SLCO1B1: variants seen among roughly 807,000 people sequenced by gnomAD.
The protein encoded by SLCO1B1 is OATP-2.
Under a neutral mutation model 70.1 loss-of-function variants are expected in SLCO1B1, and 81 were observed. The ratio of observed to expected loss-of-function variants is 1.16; its 90% CI spans 0.97 to 1.39. SLCO1B1 has a LOEUF of 1.39. Among genes scored for constraint, SLCO1B1 ranks in the 40% most tolerant of loss-of-function variants. SLCO1B1 has a pLI of 0.00. For missense variants in SLCO1B1, 895 were observed against 799.6 expected, an observed-to-expected ratio of 1.12 and a Z score of -1.44; for synonymous variants, 283 against 271.5, an observed-to-expected ratio of 1.04 and a Z score of -0.42.
chr12:21,164,132 T>C (rs1940657418), intron 2 of SLCO1B1, among the ~76,000 whole-genome samples: 2 of 152,162 alleles, frequency 1.3e-5, no homozygotes, highest in Non-Finnish European at 2.9e-5. Flanking sequence ...AATAAATTAA[T>C]ATGGATGAAT....
At position 21,197,395 on chromosome 12, in the gene SLCO1B1, T is replaced by C. The variant is rs4149060; in HGVS notation, c.970+207T>C. Among the ~76,000 whole-genome samples, 8 of 152,262 alleles carry C rather than the reference T, an allele frequency of 5.3e-5. No homozygotes were observed. In the East Asian group the frequency reaches 1.5e-3, roughly 29 times the overall value. On this transcript the variant is annotated intron_variant, in intron 8 of 14. Coordinates refer to ENST00000256958, the MANE Select transcript of SLCO1B1 (RefSeq NM_006446.5). ...AACAAGTGGAAGAGAATTAGGTTTGTACTTTTTAGCAGGGAGAAACCAACA... is the reference window on the plus strand; with the variant it reads ...AACAAGTGGAAGAGAATTAGGTTTGCACTTTTTAGCAGGGAGAAACCAACA...
In SLCO1B1 at chr12:21,239,207, C is replaced by G. The variant is rs2121217567; in HGVS notation, c.*18C>G. ...ATTGTTAAGGGGAGAAAAAAAGCCACTTCTGCTTCTGTGTTTCCAAACAGC... is the reference window on the plus strand; with the variant it reads ...ATTGTTAAGGGGAGAAAAAAAGCCAGTTCTGCTTCTGTGTTTCCAAACAGC... On this transcript the variant is annotated 3_prime_UTR_variant, in exon 15 of 15. Transcript: ENST00000256958. 1 of 1,533,388 alleles carries G rather than the reference C, an allele frequency of 6.5e-7. No homozygotes were observed. The highest frequency in any genetic ancestry group is 2.3e-5 in the East Asian group (1 of 44,392). 95.0% of individuals were successfully genotyped at this position (1,533,388 alleles called of 1,614,324 possible).
chr12:21,135,828 A>G lies in SLCO1B1; in HGVS notation c.-62+4592A>G, dbSNP rs1427382166. ...GTCTTTTAATTGCAGCATTTAGCCC[A>G]TTTACATTTAAAGTTAATATTGTTA... is the stretch of plus-strand genomic sequence containing the variant. On this transcript the variant is annotated intron_variant, in intron 1 of 14. Transcript: ENST00000256958. 3.3e-5 allele frequency among the ~76,000 whole-genome samples: 5 copies of G among 152,260 alleles called. No individual in the cohort carries two copies. The East Asian group carries it at 9.7e-4, about 29-fold the overall frequency.
intron 10 of SLCO1B1, among the ~76,000 whole-genome samples, chr12:21,203,202 G>T (rs1941177626): frequency 6.6e-6 from 1 of 151,860 alleles, no homozygotes; most frequent in Non-Finnish European, 1.5e-5. Context: ...ATGTTGTACT[G>T]AATTTTCTTT....
chr12:21,199,909 C>A (rs932051787), intron 8 of SLCO1B1, among the ~76,000 whole-genome samples: 9 of 152,002 alleles, frequency 5.9e-5, no homozygotes, highest in African/African-American at 2.2e-4. Context: ...TCAAGCAATT[C>A]TCCTGCCTCA....
intron 14 of SLCO1B1, among the ~76,000 whole-genome samples, chr12:21,227,953 A>C (rs1274913193): frequency 1.3e-5 from 2 of 152,096 alleles, no homozygotes. Context: ...TTTTTAATAT[A>C]CTGCAAAGAC....
intron 14 of SLCO1B1, among the ~76,000 whole-genome samples, chr12:21,233,677 T>C (rs1337354217): frequency 6.6e-6 from 1 of 150,552 alleles, no homozygotes; most frequent in Admixed American, 6.6e-5. Flanking sequence ...AAAGGAGGAG[T>C]TGGCAGTGCC....
intron 11 of SLCO1B1, among the ~76,000 whole-genome samples, chr12:21,211,085 T>A (rs1312135954): frequency 6.6e-6 from 1 of 152,210 alleles, no homozygotes. Context: ...TGGCCAGAAC[T>A]TCCAACACTC....
At chr12:21,186,242 G>A (rs990609259) in intron 7 of SLCO1B1, among the ~76,000 whole-genome samples, 1 of 152,056 alleles carries the variant, frequency 6.6e-6, no homozygotes, top group Non-Finnish European at 1.5e-5. Flanking sequence ...ATGTGAAGAT[G>A]TACTATTAAA....
chr12:21,190,470 A>G (rs2169968), intron 7 of SLCO1B1, among the ~76,000 whole-genome samples: 132,051 of 152,062 alleles, frequency 0.87, 58,571 homozygotes, highest in Non-Finnish European at 0.97. Flanking sequence ...CCTCAACTCC[A>G]CTGTTCTCCC....
chr12:21,197,969 G>T (rs938707012), intron 8 of SLCO1B1, among the ~76,000 whole-genome samples: 1 of 152,114 alleles, frequency 6.6e-6, no homozygotes, highest in African/African-American at 2.4e-5. Context: ...AGCAAGATAT[G>T]TGAATCAGTG....
chr12:21,194,494 A>G (rs1941069680), intron 7 of SLCO1B1, among the ~76,000 whole-genome samples: 1 of 152,024 alleles, frequency 6.6e-6, no homozygotes, highest in South Asian at 2.1e-4. Flanking sequence ...TCTAGCTCCC[A>G]ATAACTGTCA....
At chr12:21,170,135 C>T (rs1246837571) in intron 2 of SLCO1B1, among the ~76,000 whole-genome samples, 2 of 152,146 alleles carry the variant, frequency 1.3e-5, no homozygotes, top group East Asian at 3.9e-4. Context: ...GCAAAGACCG[C>T]ATTTTTATTA....
intron 11 of SLCO1B1, among the ~76,000 whole-genome samples, chr12:21,216,368 T>C (rs980622218): frequency 6.6e-6 from 1 of 152,172 alleles, no homozygotes; most frequent in Non-Finnish European, 1.5e-5. Context: ...AATTGATCTT[T>C]AGCATTAATA....
chr12:21,200,731 C>A, intron 9 of SLCO1B1, 59 bp downstream of exon 9: 1 of 1,403,948 alleles, frequency 7.1e-7, no homozygotes, highest in Non-Finnish European at 9.9e-7. Flanking sequence ...ATACTGTATT[C>A]CAAGTGGTAT....
intron 1 of SLCO1B1, among the ~76,000 whole-genome samples, chr12:21,138,733 A>T (rs1010295737): frequency 4.0e-5 from 6 of 150,216 alleles, no homozygotes; most frequent in Admixed American, 6.7e-5. Context: ...AAGTATAAAA[A>T]TATTGAAGAG....
chr12:21,136,903 C>T lies in SLCO1B1; in HGVS notation c.-61-4611C>T, dbSNP rs543505736. On this transcript the variant is annotated intron_variant, in intron 1 of 14. Coordinates refer to ENST00000256958, the MANE Select transcript of SLCO1B1 (RefSeq NM_006446.5). ...CTGCATTCCTTTGGAGGAGGAGAGG[C>T]GCTCTGATCTTTAGAGTTTCCAGTT... Among the ~76,000 whole-genome samples, 900 of 152,278 alleles carry T rather than the reference C, an allele frequency of 5.9e-3. 5 individuals carry two copies. The highest frequency in any genetic ancestry group is 0.019 in the African/African-American group (796 of 41,556).
chr12:21,204,136 A>G (rs1366641210), intron 10 of SLCO1B1, among the ~76,000 whole-genome samples: 1 of 151,976 alleles, frequency 6.6e-6, no homozygotes, highest in East Asian at 1.9e-4. Context: ...CGACTGGGAT[A>G]AGTTTTTTTT....
At chr12:21,227,327 G>GA (rs901540621) in intron 14 of SLCO1B1, among the ~76,000 whole-genome samples, 101 of 151,546 alleles carry the variant, frequency 6.7e-4, no homozygotes, top group African/African-American at 2.0e-3. Context: ...ATTTTTATAT[G>GA]AAAAAAAAGA....
Sources: allele counts gnomAD v4.1 joint callset (sites outside exome capture counted in the v4.1 genomes callset), GRCh38; gene constraint gnomAD v4.1.1; transcripts MANE v1.5; gene names NCBI Gene and HGNC (gene_info 2026-07-23, HGNC 2026-07-21).